CD86: variants seen among roughly 807,000 people sequenced by gnomAD.
CD86 encodes the protein T-lymphocyte activation antigen CD86.
In CD86, 11 loss-of-function variants were observed where a neutral mutation model predicts 32.1. The ratio of observed to expected loss-of-function variants is 0.34; its 90% CI spans 0.22 to 0.57. The LOEUF (loss-of-function observed/expected upper bound fraction) is 0.57. Ranked by LOEUF, CD86 falls within the 20% of genes least tolerant of loss-of-function variation. The pLI is 0.86. For synonymous variants in CD86, 137 were observed against 135.3 expected (o/e 1.01, Z -0.09); for missense variants, 359 against 398.4 (o/e 0.90, Z 0.84).
chr3:122,106,347 G>C lies in CD86; in HGVS notation c.550G>C (p.Gly184Arg). ...RTKNSTIEYD[G>R]VMQKSQDNVT... ...CAAGAATTCAACTATCGAGTATGATGGTGTTATGCAGAAATCTCAAGATAA... is the reference window on the plus strand; with the variant it reads ...CAAGAATTCAACTATCGAGTATGATCGTGTTATGCAGAAATCTCAAGATAA... Residue 184 changes from glycine (G) to arginine (R), a missense_variant, in exon 4 of 7, where the codon GGT becomes CGT. By Grantham distance (125) the Gly-to-Arg change is moderately radical (BLOSUM62 -2). Coordinates refer to ENST00000330540, the MANE Select transcript of CD86 (RefSeq NM_175862.5). 2.5e-6 allele frequency: 4 copies of C among 1,614,040 alleles called. No homozygotes were observed. Among genetic ancestry groups the C allele is most frequent in the Non-Finnish European group, 3.4e-6 (4 of 1,179,958 alleles).
At chr3:122,100,631 T>C (rs1262724857) in intron 2 of CD86, among the ~76,000 whole-genome samples, 2 of 152,198 alleles carry the variant, frequency 1.3e-5, no homozygotes, top group Non-Finnish European at 2.9e-5. Context: ...AGAGACTTCA[T>C]AAGGCTAGCA....
intron 1 of CD86, among the ~76,000 whole-genome samples, chr3:122,086,097 C>A (rs1199648153): frequency 6.6e-6 from 1 of 152,130 alleles, no homozygotes; most frequent in East Asian, 1.9e-4. Context: ...GACACTTTTT[C>A]TTCTCTTTAG....
chr3:122,094,884 C>A (rs560284555), intron 2 of CD86, among the ~76,000 whole-genome samples: 1 of 152,172 alleles, frequency 6.6e-6, no homozygotes, highest in Non-Finnish European at 1.5e-5. Flanking sequence ...ATTTACAAAG[C>A]GAAAGGAATT....
intron 2 of CD86, among the ~76,000 whole-genome samples, chr3:122,100,140 T>A (rs1399364258): frequency 6.6e-6 from 1 of 152,170 alleles, no homozygotes; most frequent in Admixed American, 6.6e-5. Context: ...TCAAAGAAAT[T>A]TGAGGCAAGG....
intron 1 of CD86, among the ~76,000 whole-genome samples, chr3:122,061,188 A>T (rs1269690962): frequency 6.6e-6 from 1 of 152,204 alleles, no homozygotes; most frequent in African/African-American, 2.4e-5. Flanking sequence ...AACCTAAAAT[A>T]CTCAACTACC....
At chr3:122,094,649 C>T (rs1474522008) in intron 2 of CD86, among the ~76,000 whole-genome samples, 1 of 152,186 alleles carries the variant, frequency 6.6e-6, no homozygotes, top group Non-Finnish European at 1.5e-5. Context: ...ACATAATCCA[C>T]CCTCAAAATG....
At chr3:122,080,405 G>A (rs1289127295) in intron 1 of CD86, among the ~76,000 whole-genome samples, 1 of 152,196 alleles carries the variant, frequency 6.6e-6, no homozygotes, top group Non-Finnish European at 1.5e-5. Context: ...CTTGTACACA[G>A]ATTTGCTCTT....
chr3:122,101,728 CAG>C (rs1346548776), intron 2 of CD86, among the ~76,000 whole-genome samples: 1 of 151,884 alleles, frequency 6.6e-6, no homozygotes, highest in East Asian at 1.9e-4. Context: ...AGTATTTCCT[CAG>C]AGACAATGCT....
intron 1 of CD86, among the ~76,000 whole-genome samples, chr3:122,072,455 T>G (rs1191171793): frequency 6.6e-6 from 1 of 152,230 alleles, no homozygotes; most frequent in Non-Finnish European, 1.5e-5. Context: ...CATTGTGGTT[T>G]TGATTTGCAT....
intron 1 of CD86, among the ~76,000 whole-genome samples, chr3:122,080,107 C>G (rs567213813): frequency 1.3e-5 from 2 of 152,040 alleles, no homozygotes; most frequent in African/African-American, 4.8e-5. Context: ...TTGGCTTCCT[C>G]TCTTTGACCA....
intron 6 of CD86, 55 bp downstream of exon 6, chr3:122,118,148 T>TATTCAA: frequency 6.9e-7 from 1 of 1,451,464 alleles, no homozygotes; most frequent in Non-Finnish European, 9.7e-7. Context: ...CCAGAGTGCC[T>TATTCAA]GTTACTTGAA....
intron 2 of CD86, among the ~76,000 whole-genome samples, chr3:122,093,884 G>A (rs2072866921): frequency 6.6e-6 from 1 of 152,206 alleles, no homozygotes; most frequent in Admixed American, 6.5e-5. Flanking sequence ...CTAAGTGGCA[G>A]AGCTTGGATT....
chr3:122,087,050 C>A (rs139257909), intron 1 of CD86, among the ~76,000 whole-genome samples: 8 of 152,224 alleles, frequency 5.3e-5, no homozygotes, highest in Non-Finnish European at 1.2e-4. Flanking sequence ...CAAATAATCT[C>A]ACCCTGTTGT....
intron 1 of CD86, among the ~76,000 whole-genome samples, chr3:122,062,298 A>C (rs558004520): frequency 6.6e-6 from 1 of 152,248 alleles, no homozygotes; most frequent in East Asian, 1.9e-4. Context: ...CATTTCTGGA[A>C]AGCAATATGT....
chr3:122,078,022 A>G lies in CD86; in HGVS notation c.15-13579A>G, dbSNP rs559492345. The G allele has an allele frequency of 6.1e-6, 6 of 985,630 alleles. No individual in the cohort carries two copies. The South Asian group carries it at 2.3e-4, about 39-fold the overall frequency. The allele number at this position is 985,630 out of a possible 1,614,324, so 61.1% of individuals were successfully genotyped here. A position where few individuals can be genotyped will look rare whatever the true frequency, so the allele number is the denominator to read the frequency against. On this transcript the variant is annotated intron_variant, in intron 1 of 6. Transcript: ENST00000330540. Reference sequence around the variant, plus strand: ...ATGCATCTGGTCTCTTTTTGGAGCTACAGTGGACAGGCATTTGTGACAGGT... The same window carrying G: ...ATGCATCTGGTCTCTTTTTGGAGCTGCAGTGGACAGGCATTTGTGACAGGT...
In CD86 at chr3:122,080,308, T is replaced by C. The variant is rs200056610; in HGVS notation, c.15-11293T>C. Among the ~76,000 whole-genome samples the C allele has an allele frequency of 3.9e-5, 6 of 152,252 alleles. No individual in the cohort carries two copies. The East Asian group carries it at 1.2e-3, about 29-fold the overall frequency. Reference sequence around the variant, plus strand: ...TTTTGGCAAAAAGGAAAAAAAATCGTTCTCAAATTCATCAATAGTTTGAAA... The same window carrying C: ...TTTTGGCAAAAAGGAAAAAAAATCGCTCTCAAATTCATCAATAGTTTGAAA... On this transcript the variant is annotated intron_variant, in intron 1 of 6. Transcript: ENST00000330540.
chr3:122,058,758 T>A lies in CD86; in HGVS notation c.14+3255T>A, dbSNP rs541455884. Reference sequence around the variant, plus strand: ...AATAGAGACATGATAAAATTTACTTTAAAAAAAATCCCTTGGCAGAAGAAT... The same window carrying A: ...AATAGAGACATGATAAAATTTACTTAAAAAAAAATCCCTTGGCAGAAGAAT... On this transcript the variant is annotated intron_variant, in intron 1 of 6. Coordinates refer to ENST00000330540, the MANE Select transcript of CD86 (RefSeq NM_175862.5). Among the ~76,000 whole-genome samples, 9 of 152,002 alleles carry A rather than the reference T, an allele frequency of 5.9e-5. No individual in the cohort carries two copies. The East Asian group carries it at 1.4e-3, about 23-fold the overall frequency.
At position 122,109,400 on chromosome 3, in the gene CD86, A is replaced by G; in HGVS notation, c.839A>G (p.Tyr280Cys). ...WKKKKRPRNS[Y>C]KCGTNTMERE... ...AAGAAGAAGCGGCCTCGCAACTCTT[A>G]TAAATGTGGTGAGTGAGTCCTTGTC... is the stretch of plus-strand genomic sequence containing the variant. The change falls in exon 5 of 7, where the codon TAT (tyrosine) becomes TGT (cysteine). Residue 280 changes from tyrosine (Y) to cysteine (C), a missense_variant. Physicochemically the swap from Tyr to Cys is radical, Grantham distance 194. Coordinates refer to ENST00000330540, the MANE Select transcript of CD86 (RefSeq NM_175862.5). The G allele has an allele frequency of 6.2e-7, 1 of 1,614,098 alleles. No individual in the cohort carries two copies.
chr3:122,070,810 T>A (rs1396083438), intron 1 of CD86, among the ~76,000 whole-genome samples: 1 of 152,144 alleles, frequency 6.6e-6, no homozygotes, highest in Non-Finnish European at 1.5e-5. Context: ...ATTCCAAGGG[T>A]GCAACATAGG....
Sources: allele counts gnomAD v4.1 joint callset (sites outside exome capture counted in the v4.1 genomes callset), GRCh38; gene constraint gnomAD v4.1.1; transcripts MANE v1.5; gene names NCBI Gene and HGNC (gene_info 2026-07-23, HGNC 2026-07-21).